The following TOX variants were observed in gnomAD, a reference collection of about 807,000 sequenced individuals.
TOX encodes the protein thymocyte selection-associated high mobility group box protein TOX.
In TOX, 11 loss-of-function variants were observed where a neutral mutation model predicts 53.7. The ratio of observed to expected loss-of-function variants is 0.20; its 90% CI spans 0.13 to 0.34. The LOEUF (loss-of-function observed/expected upper bound fraction) is 0.34. Ranked by LOEUF, TOX falls within the 10% of genes least tolerant of loss-of-function variation. The pLI, the probability that TOX is intolerant of heterozygous loss-of-function variation, is 1.00. For synonymous variants in TOX, 225 were observed against 245.3 expected, an observed-to-expected ratio of 0.92 and a Z score of 0.77; for missense variants, 570 against 664.6, an observed-to-expected ratio of 0.86 and a Z score of 1.56.
intron 3 of TOX, among the ~76,000 whole-genome samples, chr8:58,854,854 T>C (rs1810887967): frequency 6.6e-6 from 1 of 152,184 alleles, no homozygotes; most frequent in Non-Finnish European, 1.5e-5. Context: ...GACAGTTCAG[T>C]ATTAATCACT....
chr8:59,096,751 G>C (rs769340543), intron 1 of TOX, among the ~76,000 whole-genome samples: 12 of 152,138 alleles, frequency 7.9e-5, no homozygotes, highest in Admixed American at 6.5e-4. Flanking sequence ...GAGCAAGTGT[G>C]GGGGAAGCAT....
intron 3 of TOX, among the ~76,000 whole-genome samples, chr8:58,857,350 T>C (rs1327307428): frequency 6.6e-6 from 1 of 152,230 alleles, no homozygotes; most frequent in Non-Finnish European, 1.5e-5. Flanking sequence ...ATTGGCATTT[T>C]AGTGTTGCGT....
At chr8:58,990,831 T>C (rs569036331) in intron 1 of TOX, among the ~76,000 whole-genome samples, 1 of 152,304 alleles carries the variant, frequency 6.6e-6, no homozygotes, top group South Asian at 2.1e-4. Flanking sequence ...GCTCCCACAA[T>C]GTGGGCCACA....
intron 2 of TOX, among the ~76,000 whole-genome samples, chr8:58,957,650 CAT>C (rs1292484980): frequency 1.3e-5 from 2 of 152,182 alleles, no homozygotes; most frequent in Non-Finnish European, 2.9e-5. Flanking sequence ...AGTAGTGCGC[CAT>C]ATGTTGCTAC....
At chr8:59,112,666 C>T (rs972535911) in intron 1 of TOX, among the ~76,000 whole-genome samples, 5 of 152,004 alleles carry the variant, frequency 3.3e-5, no homozygotes, top group Non-Finnish European at 7.4e-5. Flanking sequence ...AAATTAATAC[C>T]TTGGGTAAAC....
intron 1 of TOX, among the ~76,000 whole-genome samples, chr8:59,039,844 A>AT (rs1803543459): frequency 6.6e-6 from 1 of 150,546 alleles, no homozygotes; most frequent in South Asian, 2.2e-4. Context: ...TAATTTAAAT[A>AT]ATTTTTTTTA....
rs779203295 is a variant in TOX, at chr8:58,838,043, A to G, written c.924+38T>C. ...CCATTTCTTCAGACTGCACAATCTC[A>G]GCTTATGTAGATTCCCATTCCACTG... is the stretch of plus-strand genomic sequence containing the variant. On this transcript the variant is annotated intron_variant, in intron 5 of 8. Coordinates refer to ENST00000361421, the MANE Select transcript of TOX (RefSeq NM_014729.3). 17 of 1,594,664 alleles carry G rather than the reference A, an allele frequency of 1.1e-5. No individual in the cohort carries two copies. The East Asian group carries it at 2.2e-4, about 21-fold the overall frequency.
At chr8:59,001,594 CA>C (rs1477097157) in intron 1 of TOX, among the ~76,000 whole-genome samples, 2 of 152,116 alleles carry the variant, frequency 1.3e-5, no homozygotes, top group Non-Finnish European at 2.9e-5. Flanking sequence ...CTGTGAGTTT[CA>C]AAAACCATCC....
intron 3 of TOX, among the ~76,000 whole-genome samples, chr8:58,903,521 C>A (rs1811763658): frequency 6.6e-6 from 1 of 152,216 alleles, no homozygotes; most frequent in Non-Finnish European, 1.5e-5. Context: ...TAAACAGCTG[C>A]TGCATTTTTG....
At chr8:58,812,363 C>T (rs1810098816) in intron 7 of TOX, among the ~76,000 whole-genome samples, 1 of 152,162 alleles carries the variant, frequency 6.6e-6, no homozygotes, top group African/African-American at 2.4e-5. Context: ...TCTTTATTCC[C>T]CTCCTTTCCA....
chr8:59,102,605 C>T (rs1455277272), intron 1 of TOX, among the ~76,000 whole-genome samples: 1 of 152,090 alleles, frequency 6.6e-6, no homozygotes, highest in African/African-American at 2.4e-5. Flanking sequence ...AAAGACCCAC[C>T]CCCATGATTC....
intron 1 of TOX, among the ~76,000 whole-genome samples, chr8:59,062,820 GAGAA>G (rs1034092836): frequency 7.2e-5 from 11 of 152,090 alleles, no homozygotes; most frequent in Non-Finnish European, 1.5e-4. Context: ...GAGAGAAAGA[GAGAA>G]AGAAAGTTAA....
chr8:59,004,881 A>G (rs545805135), intron 1 of TOX, among the ~76,000 whole-genome samples: 1 of 152,330 alleles, frequency 6.6e-6, no homozygotes, highest in African/African-American at 2.4e-5. Flanking sequence ...GTAATTAACA[A>G]TGCCTGTTCG....
chr8:59,053,170 T>A (rs7813268), intron 1 of TOX, among the ~76,000 whole-genome samples: 24,674 of 152,174 alleles, frequency 0.16, 2,318 homozygotes, highest in Non-Finnish European at 0.22. Context: ...TAAGCACAAA[T>A]ATGTACTCTC....
chr8:59,006,603 T>C (rs1479452560), intron 1 of TOX, among the ~76,000 whole-genome samples: 1 of 152,190 alleles, frequency 6.6e-6, no homozygotes, highest in African/African-American at 2.4e-5. Context: ...ATCTTTATGT[T>C]TCTCACAAAG....
At chr8:59,057,000 T>C (rs959547530) in intron 1 of TOX, among the ~76,000 whole-genome samples, 1 of 152,256 alleles carries the variant, frequency 6.6e-6, no homozygotes, top group Middle Eastern at 3.4e-3. Flanking sequence ...AAAAAGAGTA[T>C]GAAAAATACC....
chr8:59,060,103 A>G (rs544012761), intron 1 of TOX, among the ~76,000 whole-genome samples: 1 of 152,270 alleles, frequency 6.6e-6, no homozygotes, highest in Admixed American at 6.5e-5. Flanking sequence ...TTCCCGTTTT[A>G]TTAGGATGCT....
intron 2 of TOX, among the ~76,000 whole-genome samples, chr8:58,957,824 T>C (rs1484461888): frequency 5.3e-5 from 8 of 152,212 alleles, no homozygotes; most frequent in Non-Finnish European, 1.0e-4. Context: ...TTTTTTTCCC[T>C]GCAGGATGAC....
At chr8:58,845,711 A>G (rs1810709138) in intron 4 of TOX, among the ~76,000 whole-genome samples, 1 of 152,092 alleles carries the variant, frequency 6.6e-6, no homozygotes, top group African/African-American at 2.4e-5. Flanking sequence ...GATTCTGCCA[A>G]ACATAGCTGA....
Sources: allele counts gnomAD v4.1 joint callset (sites outside exome capture counted in the v4.1 genomes callset), GRCh38; gene constraint gnomAD v4.1.1; transcripts MANE v1.5; gene names NCBI Gene and HGNC (gene_info 2026-07-23, HGNC 2026-07-21).